MYO1H: variants seen among roughly 807,000 people sequenced by gnomAD.
MYO1H encodes the protein myosin IH, also known as unconventional myosin-Ih.
A neutral mutation model predicts 149.3 loss-of-function variants in MYO1H; 118 were observed. That is an observed-to-expected ratio of 0.79 (90% CI 0.68 to 0.92). The LOEUF (loss-of-function observed/expected upper bound fraction) is 0.92. MYO1H is among the 40% of genes least tolerant of loss of function. The pLI, the probability that MYO1H is intolerant of heterozygous loss-of-function variation, is 0.00. For missense variants in MYO1H, 1,212 were observed against 1,280.7 expected (o/e 0.95, Z 0.82); for synonymous variants, 447 against 465.2 (o/e 0.96, Z 0.50).
the MYO1H span, among the ~76,000 whole-genome samples, chr12:109,325,103 C>T: frequency 6.6e-6 from 1 of 152,174 alleles, no homozygotes; most frequent in African/African-American, 2.4e-5. Flanking sequence ...ACCACATTTT[C>T]TTTATCTAGT....
At chr12:109,444,991 AC>A (rs1207162231) in intron 30 of MYO1H, among the ~76,000 whole-genome samples, 7 of 152,174 alleles carry the variant, frequency 4.6e-5, no homozygotes, top group Admixed American at 6.5e-5. Flanking sequence ...CTCTAGTGTT[AC>A]ATCCTCGCCC....
At chr12:109,355,987 G>A (rs892952160) in intron 1 of MYO1H, among the ~76,000 whole-genome samples, 8 of 151,748 alleles carry the variant, frequency 5.3e-5, no homozygotes, top group South Asian at 2.1e-4. Context: ...CAAAGTGCTC[G>A]GATTACAGGC....
At chr12:109,397,165 A>G (rs1383012046) in intron 4 of MYO1H, among the ~76,000 whole-genome samples, 1 of 152,144 alleles carries the variant, frequency 6.6e-6, no homozygotes, top group Non-Finnish European at 1.5e-5. Flanking sequence ...CAGATGCACA[A>G]AAAACACACA....
At chr12:109,447,039 T>A (rs1173312273) in intron 31 of MYO1H, 120 bp from the exon 32 acceptor site, 2 of 985,588 alleles carry the variant, frequency 2.0e-6, no homozygotes, top group Non-Finnish European at 3.2e-6. Flanking sequence ...GAGGTGGCAC[T>A]GGCTTCTCAC....
the MYO1H span, among the ~76,000 whole-genome samples, chr12:109,342,327 T>C: frequency 6.6e-6 from 1 of 151,936 alleles, no homozygotes; most frequent in Admixed American, 6.6e-5. Context: ...GTATTTTTAG[T>C]AGAGATGGGG....
exon 3 of MYO1H, chr12:109,393,353 T>C (rs1445090629): frequency 6.3e-7 from 1 of 1,581,468 alleles, no homozygotes; most frequent in Non-Finnish European, 8.6e-7. Context: ...ACCCTCCTTG[T>C]GTCTGTGAAT....
At chr12:109,435,520 TGGG>T in intron 21 of MYO1H, among the ~76,000 whole-genome samples, 1 of 152,148 alleles carries the variant, frequency 6.6e-6, no homozygotes, top group East Asian at 1.9e-4. Context: ...AAAAGTTAGA[TGGG>T]GAAATGCAAA....
At chr12:109,338,274 C>T in the MYO1H span, among the ~76,000 whole-genome samples, 7 of 152,118 alleles carry the variant, frequency 4.6e-5, no homozygotes, top group Non-Finnish European at 1.0e-4. Context: ...TCAGACGAGA[C>T]ACTTTCAAGC....
At chr12:109,319,136 C>T in the MYO1H span, among the ~76,000 whole-genome samples, 1 of 152,022 alleles carries the variant, frequency 6.6e-6, no homozygotes, top group Non-Finnish European at 1.5e-5. Context: ...ATGTTCATAG[C>T]AGCATTATTC....
intron 2 of MYO1H, among the ~76,000 whole-genome samples, chr12:109,390,791 A>T (rs1163361158): frequency 6.6e-6 from 1 of 151,758 alleles, no homozygotes; most frequent in Non-Finnish European, 1.5e-5. Flanking sequence ...TCAGCCTCCC[A>T]AGTAGCTGGG....
At chr12:109,339,462 G>A in the MYO1H span, among the ~76,000 whole-genome samples, 1 of 152,144 alleles carries the variant, frequency 6.6e-6, no homozygotes, top group African/African-American at 2.4e-5. Flanking sequence ...AGTCCTTGAT[G>A]AACAAAATTC....
At chr12:109,429,693 T>C (rs1185764616) in intron 19 of MYO1H, among the ~76,000 whole-genome samples, 1 of 152,058 alleles carries the variant, frequency 6.6e-6, no homozygotes, top group East Asian at 1.9e-4. Flanking sequence ...GGCAGGGATA[T>C]GTTATTTGAA....
At chr12:109,443,796 G>A (rs1273337627) in intron 28 of MYO1H, 147 bp downstream of exon 28, 9 of 803,310 alleles carry the variant, frequency 1.1e-5, no homozygotes, top group South Asian at 1.8e-5. Flanking sequence ...TCAGCTACTC[G>A]GAAGGCTGAG....
At chr12:109,348,721 G>A (rs1868389792) in intron 1 of MYO1H, among the ~76,000 whole-genome samples, 1 of 152,178 alleles carries the variant, frequency 6.6e-6, no homozygotes, top group Non-Finnish European at 1.5e-5. Flanking sequence ...TCCAAGGACA[G>A]GTTTTCTGGG....
At chr12:109,436,539 T>A (rs1199844258) in exon 22 of MYO1H, 1 of 1,608,710 alleles carries the variant, frequency 6.2e-7, no homozygotes, top group Non-Finnish European at 8.5e-7. Flanking sequence ...AGAGAATACG[T>A]GAAAAAAAGA....
At chr12:109,443,125 C>T (rs1462454918) in intron 27 of MYO1H, among the ~76,000 whole-genome samples, 729 of 37,356 alleles carry the variant, frequency 0.02, 62 homozygotes, top group African/African-American at 0.049. Context: ...TATATGTGTA[C>T]GTATATATGT....
intron 14 of MYO1H, 80 bp downstream of exon 14, chr12:109,412,065 T>TCTTGAAGAACATTA: frequency 3.1e-6 from 3 of 971,610 alleles, no homozygotes; most frequent in Non-Finnish European, 4.6e-6. Context: ...GATAATGTTC[T>TCTTGAAGAACATTA]TCAAGAGAAC....
intron 1 of MYO1H, among the ~76,000 whole-genome samples, chr12:109,348,842 A>G (rs1036530058): frequency 2.6e-5 from 4 of 152,158 alleles, no homozygotes; most frequent in Admixed American, 2.6e-4. Flanking sequence ...ACATTTATGG[A>G]TGTAGTTAGA....
At position 109,443,651 on chromosome 12, in the gene MYO1H, TAAG is replaced by T. The variant is rs1872347419; in HGVS notation, c.2824+6_2824+8del. 1.2e-6 allele frequency: 2 copies of T among 1,613,304 alleles called. No homozygotes were observed. The highest frequency in any genetic ancestry group is 2.2e-5 in the East Asian group (1 of 44,850). On this transcript the variant is annotated splice_donor_5th_base_variant and intron_variant, in intron 28 of 31. Transcript: ENST00000310903. ...AAATAGAGTACTCAGCTCTCAAAGG[TAAG>T]AAGTGGGCAATCTTTAAAACAATGC...
Sources: gnomAD v4.1 joint callset for allele counts (sites outside exome capture counted in the v4.1 genomes callset) on GRCh38, gnomAD v4.1.1 for gene constraint, MANE v1.5 for transcripts, NCBI Gene and HGNC (gene_info 2026-07-23, HGNC 2026-07-21) for gene names.